The following TAFA5 variants were observed in gnomAD, a reference collection of about 807,000 sequenced individuals.
TAFA5 encodes the protein chemokine-like protein TAFA-5.
In TAFA5, 6 loss-of-function variants were observed where a neutral mutation model predicts 15.3. That is an observed-to-expected ratio of 0.39 (90% CI 0.21 to 0.77). The LOEUF (loss-of-function observed/expected upper bound fraction) is 0.77. Among genes scored for constraint, TAFA5 ranks in the 30% least tolerant of loss-of-function variants. TAFA5 has a pLI of 0.41. For missense variants in TAFA5, 161 were observed against 193.1 expected (o/e 0.83, Z 0.98); for synonymous variants, 103 against 80.7 (o/e 1.28, Z -1.48).
chr22:48,490,582 G>C lies in TAFA5; in HGVS notation c.112+878G>C, dbSNP rs761248242. ...GCTCAGCATCCCGGGGCACGTTCGCGGCTGGTGGGGTAAGTGGGGGCCGCT... is the reference window on the plus strand; with the variant it reads ...GCTCAGCATCCCGGGGCACGTTCGCCGCTGGTGGGGTAAGTGGGGGCCGCT... On this transcript the variant is annotated intron_variant, in intron 1 of 3. Transcript: ENST00000402357. This position sits in a 1 kb window ranked among gnomAD's most constrained non-coding sequence, Gnocchi z 5.8. Among the ~76,000 whole-genome samples the C allele has an allele frequency of 6.6e-6, 1 of 151,816 alleles. No individual in the cohort carries two copies. The highest frequency in any genetic ancestry group is 2.4e-5 in the African/African-American group (1 of 41,352).
At chr22:48,504,665 C>T (rs189498780) in intron 1 of TAFA5, among the ~76,000 whole-genome samples, 24 of 152,206 alleles carry the variant, frequency 1.6e-4, no homozygotes, top group Non-Finnish European at 2.4e-4. Flanking sequence ...TCACCTGCCC[C>T]ACAGCCAGCT....
Position 48,680,490 on chromosome 22 carries a change from C to T in TAFA5, c.263-27227C>T, listed in dbSNP as rs132219. The stretch of plus-strand genomic sequence containing the variant: ...GAAGGGCGAGGGGGCTAAGAGGTGA[C>T]GGCAGCACACTGAGAGGGGCCACCA... On this transcript the variant is annotated intron_variant, in intron 2 of 3. Transcript: ENST00000402357. Among the ~76,000 whole-genome samples the T allele has an allele frequency of 5.9e-3, 890 of 151,710 alleles. 9 individuals are homozygous for T. The highest frequency in any genetic ancestry group is 0.02 in the African/African-American group (843 of 41,378).
At chr22:48,582,311 GCAAAATACACCACATACCACACA>G (rs1172832063) in intron 1 of TAFA5, among the ~76,000 whole-genome samples, 64 of 150,558 alleles carry the variant, frequency 4.3e-4, no homozygotes, top group African/African-American at 1.5e-3. Context: ...CACCCCACAC[GCAAAATACACCACATACCACACA>G]CAAAATACAC....
intron 1 of TAFA5, among the ~76,000 whole-genome samples, chr22:48,511,402 T>A (rs1295650337): frequency 6.6e-6 from 1 of 152,134 alleles, no homozygotes; most frequent in African/African-American, 2.4e-5. Flanking sequence ...CCTGGGGCTG[T>A]GCGTCTGCAG....
intron 1 of TAFA5, among the ~76,000 whole-genome samples, chr22:48,614,347 G>T (rs998143387): frequency 6.6e-6 from 1 of 152,214 alleles, no homozygotes; most frequent in Non-Finnish European, 1.5e-5. Context: ...ATTGCTAAAT[G>T]TTCTTCATTC....
chr22:48,695,494 G>A (rs539087400), intron 2 of TAFA5, among the ~76,000 whole-genome samples: 19 of 152,304 alleles, frequency 1.2e-4, no homozygotes, highest in African/African-American at 3.1e-4. Context: ...GAAGCCTGCC[G>A]TTCATGAGCA....
intron 1 of TAFA5, among the ~76,000 whole-genome samples, chr22:48,645,369 G>C (rs1302819766): frequency 7.9e-5 from 12 of 152,126 alleles, no homozygotes; most frequent in Non-Finnish European, 8.8e-5. Flanking sequence ...TAAATTCCAT[G>C]GGTTTATTTG....
chr22:48,675,409 A>G (rs1482154709), intron 2 of TAFA5, among the ~76,000 whole-genome samples: 2 of 152,250 alleles, frequency 1.3e-5, no homozygotes, highest in Non-Finnish European at 2.9e-5. Flanking sequence ...TTCAGGGATC[A>G]GCCTGGAAAG....
At chr22:48,603,352 G>T (rs1232826964) in intron 1 of TAFA5, among the ~76,000 whole-genome samples, 1 of 152,238 alleles carries the variant, frequency 6.6e-6, no homozygotes, top group African/African-American at 2.4e-5. Context: ...CCTGAGGGAG[G>T]CGGCCACGCA....
intron 1 of TAFA5, among the ~76,000 whole-genome samples, chr22:48,634,120 G>GCTCACTCACTCGCTCA (rs1555894537): frequency 6.0e-5 from 9 of 150,742 alleles, no homozygotes; most frequent in East Asian, 3.9e-4. Flanking sequence ...TCACTCACTC[G>GCTCACTCACTCGCTCA]CTCACTCACT....
chr22:48,501,462 GC>G (rs1920951453), intron 1 of TAFA5, among the ~76,000 whole-genome samples: 1 of 152,204 alleles, frequency 6.6e-6, no homozygotes, highest in Non-Finnish European at 1.5e-5. Context: ...TCGGGTGACG[GC>G]CTCTGCTTCC....
chr22:48,603,286 A>G (rs1048203580), intron 1 of TAFA5, among the ~76,000 whole-genome samples: 4 of 152,340 alleles, frequency 2.6e-5, no homozygotes, highest in African/African-American at 7.2e-5. Context: ...CTCTGCCCAC[A>G]TGGCGTTGCT....
chr22:48,529,663 G>T (rs538423721), intron 1 of TAFA5, among the ~76,000 whole-genome samples: 1 of 149,422 alleles, frequency 6.7e-6, no homozygotes, highest in East Asian at 2.0e-4. Context: ...AGGAGATGGG[G>T]GTGTCAGGCA....
chr22:48,537,579 A>C (rs1226687642), intron 1 of TAFA5, among the ~76,000 whole-genome samples: 2 of 152,230 alleles, frequency 1.3e-5, no homozygotes, highest in Admixed American at 1.3e-4. Flanking sequence ...GGCTCCTGGG[A>C]GGACCCAGAA....
intron 2 of TAFA5, among the ~76,000 whole-genome samples, chr22:48,685,849 G>A (rs1324016013): frequency 1.3e-5 from 2 of 152,108 alleles, no homozygotes; most frequent in Admixed American, 6.5e-5. Context: ...ATCCTTCCTT[G>A]TGGTTCCAGA....
intron 1 of TAFA5, among the ~76,000 whole-genome samples, chr22:48,570,024 G>A (rs1045640266): frequency 6.6e-6 from 1 of 152,208 alleles, no homozygotes; most frequent in Non-Finnish European, 1.5e-5. Context: ...ACATGCTCAC[G>A]TGCAGATCAC....
intron 1 of TAFA5, among the ~76,000 whole-genome samples, chr22:48,538,443 C>T (rs1300587054): frequency 1.3e-5 from 2 of 152,226 alleles, no homozygotes; most frequent in Admixed American, 1.3e-4. Context: ...CCCTTGAGCC[C>T]TTCAGGATAC....
intron 3 of TAFA5, among the ~76,000 whole-genome samples, chr22:48,710,553 C>T (rs1382068132): frequency 1.3e-5 from 2 of 152,196 alleles, no homozygotes; most frequent in African/African-American, 2.4e-5. Context: ...AGCAGCCTGC[C>T]GCGTCCGTCC....
rs572876114 is a variant in TAFA5 at position 48,561,291 on chromosome 22, C to T, written c.112+71587C>T. On this transcript the variant is annotated intron_variant, in intron 1 of 3. Transcript: ENST00000402357. ...GAAGGACAGAACCCAGAGCCTCTCCCGTCCGCAGGGATAGCCGAGTCCCCT... is the reference window on the plus strand; with the variant it reads ...GAAGGACAGAACCCAGAGCCTCTCCTGTCCGCAGGGATAGCCGAGTCCCCT... Among the ~76,000 whole-genome samples the T allele has an allele frequency of 2.6e-3, 393 of 152,212 alleles. 5 individuals carry two copies. The highest frequency in any genetic ancestry group is 8.8e-4 in the Non-Finnish European group (60 of 68,014).
Sources: gnomAD v4.1 joint callset for allele counts (sites outside exome capture counted in the v4.1 genomes callset) on GRCh38, gnomAD v4.1.1 for gene constraint, Gnocchi (gnomAD v3.1) non-coding constraint, MANE v1.5 for transcripts, NCBI Gene and HGNC (gene_info 2026-07-23, HGNC 2026-07-21) for gene names.